Variants in CNTNAP2 observed in about 807,000 individuals in gnomAD.
CNTNAP2 encodes contactin associated protein 2, also known as contactin-associated protein-like 2.
In CNTNAP2, 98 loss-of-function variants were observed where a neutral mutation model predicts 155.2. The observed-to-expected ratio is 0.63, with a 90% CI of 0.54 to 0.75. CNTNAP2 has a LOEUF of 0.75. Ranked by LOEUF, CNTNAP2 falls within the 30% of genes least tolerant of loss-of-function variation. CNTNAP2 has a pLI of 0.00. For missense variants in CNTNAP2, 1,727 were observed against 1,688.1 expected, an observed-to-expected ratio of 1.02 and a Z score of -0.40; for synonymous variants, 651 against 631.2, an observed-to-expected ratio of 1.03 and a Z score of -0.47.
intron 21 of CNTNAP2, among the ~76,000 whole-genome samples, chr7:148,302,374 C>A (rs949774943): frequency 3.3e-5 from 5 of 152,168 alleles, no homozygotes; most frequent in African/African-American, 1.2e-4. Flanking sequence ...AATGCATGAA[C>A]CCTAGAACCA....
At chr7:148,224,272 T>C (rs1795804089) in intron 19 of CNTNAP2, among the ~76,000 whole-genome samples, 1 of 152,228 alleles carries the variant, frequency 6.6e-6, no homozygotes, top group Non-Finnish European at 1.5e-5. Context: ...AACAACTGCC[T>C]GATCATCTCC....
At chr7:147,345,769 C>T (rs1169023075) in intron 9 of CNTNAP2, among the ~76,000 whole-genome samples, 1 of 152,080 alleles carries the variant, frequency 6.6e-6, no homozygotes, top group Non-Finnish European at 1.5e-5. Context: ...GAACTATATT[C>T]AGATTATTTG....
At chr7:147,336,171 C>T (rs2116850858) in intron 9 of CNTNAP2, among the ~76,000 whole-genome samples, 1 of 152,194 alleles carries the variant, frequency 6.6e-6, no homozygotes, top group South Asian at 2.1e-4. Context: ...TATGCTAGCT[C>T]TTGAATACTA....
chr7:147,327,662 T>C (rs1472540364), intron 9 of CNTNAP2, among the ~76,000 whole-genome samples: 4 of 152,190 alleles, frequency 2.6e-5, no homozygotes, highest in African/African-American at 9.6e-5. Flanking sequence ...TTTTTTCTCA[T>C]GTTGACTTTC....
intron 3 of CNTNAP2, among the ~76,000 whole-genome samples, chr7:146,943,471 G>A (rs1389656077): frequency 1.3e-5 from 2 of 152,178 alleles, no homozygotes; most frequent in Non-Finnish European, 2.9e-5. Context: ...CAGCCTGGGT[G>A]ACAGAGTAAG....
At chr7:146,385,883 T>A (rs1421741183) in intron 1 of CNTNAP2, among the ~76,000 whole-genome samples, 2 of 152,244 alleles carry the variant, frequency 1.3e-5, no homozygotes, top group African/African-American at 2.4e-5. Context: ...AAAGGATAGA[T>A]AAAGTAAACC....
chr7:146,209,148 T>C (rs1798996222), intron 1 of CNTNAP2, among the ~76,000 whole-genome samples: 2 of 152,074 alleles, frequency 1.3e-5, no homozygotes, highest in African/African-American at 4.8e-5. Flanking sequence ...AAATGAGCCA[T>C]ATGAGGTGCA....
intron 13 of CNTNAP2, among the ~76,000 whole-genome samples, chr7:147,778,746 C>T (rs570009420): frequency 1.3e-5 from 2 of 152,324 alleles, no homozygotes; most frequent in South Asian, 4.1e-4. Flanking sequence ...CTCCTGACCT[C>T]ATAATCTGCC....
intron 1 of CNTNAP2, among the ~76,000 whole-genome samples, chr7:146,384,037 A>G (rs1349948939): frequency 2.0e-5 from 3 of 152,320 alleles, no homozygotes; most frequent in Admixed American, 6.5e-5. Context: ...GCTCATGCTC[A>G]GATGGCTTAG....
chr7:146,327,409 C>G (rs1178400093), intron 1 of CNTNAP2, among the ~76,000 whole-genome samples: 3 of 152,160 alleles, frequency 2.0e-5, no homozygotes, highest in African/African-American at 7.2e-5. Flanking sequence ...AATTGTATAT[C>G]TGGTTGCACA....
chr7:146,497,332 T>C (rs543455972), intron 1 of CNTNAP2, among the ~76,000 whole-genome samples: 22 of 152,324 alleles, frequency 1.4e-4, no homozygotes, highest in African/African-American at 4.8e-4. Flanking sequence ...TATCTATATC[T>C]GTGGTTTGTA....
intron 15 of CNTNAP2, among the ~76,000 whole-genome samples, chr7:148,032,270 A>T (rs548773821): frequency 7.5e-4 from 114 of 152,276 alleles, no homozygotes; most frequent in African/African-American, 2.6e-3. Flanking sequence ...TGATATCTAC[A>T]GGGGCACTGG....
At chr7:148,216,544 G>A (rs1243680427) in intron 18 of CNTNAP2, among the ~76,000 whole-genome samples, 9 of 152,124 alleles carry the variant, frequency 5.9e-5, no homozygotes, top group Non-Finnish European at 1.5e-5. Flanking sequence ...TGCCCCTATG[G>A]GTTCCCTGTA....
intron 1 of CNTNAP2, among the ~76,000 whole-genome samples, chr7:146,588,804 T>C (rs1233457968): frequency 6.6e-6 from 1 of 152,158 alleles, no homozygotes; most frequent in Non-Finnish European, 1.5e-5. Context: ...CCACTGTGCC[T>C]GGCCCACATA....
intron 14 of CNTNAP2, among the ~76,000 whole-genome samples, chr7:147,962,405 A>G (rs899646593): frequency 4.6e-4 from 70 of 152,308 alleles, no homozygotes; most frequent in African/African-American, 1.7e-3. Flanking sequence ...GAGAGACTTG[A>G]TCAGCTGCCC....
At chr7:146,598,168 A>G (rs1292259567) in intron 1 of CNTNAP2, among the ~76,000 whole-genome samples, 1 of 152,136 alleles carries the variant, frequency 6.6e-6, no homozygotes, top group Non-Finnish European at 1.5e-5. Flanking sequence ...ATTGAATTAA[A>G]TGGGCTGTTT....
chr7:146,330,059 G>A (rs1172341712), intron 1 of CNTNAP2, among the ~76,000 whole-genome samples: 1 of 73,868 alleles, frequency 1.4e-5, no homozygotes, highest in African/African-American at 5.4e-5. Context: ...TTTCACTCTT[G>A]TTGCCCAGGC....
At chr7:147,043,253 TGA>T (rs1381568198) in intron 3 of CNTNAP2, among the ~76,000 whole-genome samples, 3 of 151,710 alleles carry the variant, frequency 2.0e-5, no homozygotes, top group Non-Finnish European at 4.4e-5. Flanking sequence ...TGTTCTCCGC[TGA>T]GAGGAAAAAA....
At chr7:147,391,648 A>T (rs1405811908) in intron 9 of CNTNAP2, among the ~76,000 whole-genome samples, 1 of 152,116 alleles carries the variant, frequency 6.6e-6, no homozygotes, top group Non-Finnish European at 1.5e-5. Context: ...TTTTAAGATA[A>T]TTAGAATCCC....
Sources: allele counts gnomAD v4.1 joint callset (sites outside exome capture counted in the v4.1 genomes callset), GRCh38; gene constraint gnomAD v4.1.1; transcripts MANE v1.5; gene names NCBI Gene and HGNC (gene_info 2026-07-23, HGNC 2026-07-21).